Variants in ZNF536 observed in about 807,000 individuals in gnomAD.
The protein encoded by ZNF536 is zinc finger protein 536.
A neutral mutation model predicts 84.5 loss-of-function variants in ZNF536; 13 were observed. That is an observed-to-expected ratio of 0.15 (90% CI 0.10 to 0.24). ZNF536 has a LOEUF of 0.24. Among genes scored for constraint, ZNF536 ranks in the 10% least tolerant of loss-of-function variants. ZNF536 has a pLI of 1.00. For synonymous variants in ZNF536, 811 were observed against 742.5 expected (o/e 1.09, Z -1.50); for missense variants, 1,536 against 1,747.5 (o/e 0.88, Z 2.16).
intron 2 of ZNF536, among the ~76,000 whole-genome samples, chr19:30,325,183 G>A (rs970175759): frequency 3.9e-5 from 6 of 152,200 alleles, no homozygotes; most frequent in African/African-American, 1.4e-4. Flanking sequence ...GCCCGTCTAG[G>A]TCCTCCGCAC....
intron 1 of ZNF536, among the ~76,000 whole-genome samples, chr19:30,703,294 T>C (rs2052074009): frequency 6.6e-6 from 1 of 152,066 alleles, no homozygotes; most frequent in Admixed American, 6.5e-5. Flanking sequence ...GGAGGGGGGA[T>C]GCTCAGAGGC....
At chr19:30,422,186 T>C (rs2050990125) in intron 1 of ZNF536, among the ~76,000 whole-genome samples, 1 of 152,096 alleles carries the variant, frequency 6.6e-6, no homozygotes, top group Non-Finnish European at 1.5e-5. Context: ...CTGAAACACG[T>C]GAGGTGACCC....
At chr19:30,431,132 T>C (rs2051440763) in intron 1 of ZNF536, among the ~76,000 whole-genome samples, 1 of 152,190 alleles carries the variant, frequency 6.6e-6, no homozygotes, top group East Asian at 1.9e-4. Flanking sequence ...CACTCCCATA[T>C]CTGAGACAGC....
At chr19:30,480,792 T>C (rs1401056009) in intron 2 of ZNF536, among the ~76,000 whole-genome samples, 1 of 152,172 alleles carries the variant, frequency 6.6e-6, no homozygotes, top group Admixed American at 6.5e-5. Flanking sequence ...TCCCACCACT[T>C]TGGGAGGCCG....
intron 3 of ZNF536, among the ~76,000 whole-genome samples, chr19:30,359,125 A>G (rs1161379299): frequency 6.6e-6 from 1 of 150,538 alleles, no homozygotes; most frequent in East Asian, 1.9e-4. Flanking sequence ...TCAGAAAAAA[A>G]GGAATCCAGT....
intron 1 of ZNF536, among the ~76,000 whole-genome samples, chr19:30,377,818 C>G (rs773881848): frequency 1.3e-5 from 2 of 152,198 alleles, no homozygotes; most frequent in African/African-American, 2.4e-5. Flanking sequence ...CATCTAGCAG[C>G]TAGGAATACC....
In ZNF536 at chr19:30,613,206, C is replaced by T. The variant is rs182314738; in HGVS notation, c.169+63692C>T. On this transcript the variant is annotated intron_variant, in intron 1 of 1. Transcript: ENST00000592773. ...GGTTAAGATAGTGTCCTCCAGGTTT[C>T]TCAGCTGTCAATTTTTTTATGTTTA... Among the ~76,000 whole-genome samples, 258 of 152,254 alleles carry T rather than the reference C, an allele frequency of 1.7e-3. 5 individuals carry two copies. The highest frequency in any genetic ancestry group is 5.0e-4 in the Non-Finnish European group (34 of 68,016).
chr19:30,483,643 T>A (rs568148224), intron 2 of ZNF536, among the ~76,000 whole-genome samples: 1 of 152,306 alleles, frequency 6.6e-6, no homozygotes, highest in East Asian at 1.9e-4. Context: ...GAGGTCTTCA[T>A]GGGTTTCCCT....
chr19:30,469,882 C>T (rs1323627478), intron 2 of ZNF536, among the ~76,000 whole-genome samples: 1 of 152,126 alleles, frequency 6.6e-6, no homozygotes, highest in Non-Finnish European at 1.5e-5. Context: ...CCAGACTGTC[C>T]CCAGCCCACC....
At chr19:30,400,260 C>T (rs1042679960) in intron 1 of ZNF536, among the ~76,000 whole-genome samples, 2 of 151,776 alleles carry the variant, frequency 1.3e-5, no homozygotes, top group Non-Finnish European at 2.9e-5. Context: ...ATTGTTAGAT[C>T]GTATGGTAAG....
chr19:30,424,519 C>T (rs186679466), intron 1 of ZNF536, among the ~76,000 whole-genome samples: 23 of 152,240 alleles, frequency 1.5e-4, no homozygotes, highest in Middle Eastern at 3.4e-3. Flanking sequence ...ACAGGGGAAT[C>T]TCTGGGTTCT....
chr19:30,503,704 G>C (rs375878582), intron 2 of ZNF536, among the ~76,000 whole-genome samples: 170 of 152,312 alleles, frequency 1.1e-3, no homozygotes, highest in African/African-American at 3.8e-3. Context: ...TCAAGCCCTC[G>C]TGGGAGTCCC....
chr19:30,243,558 TAATAA>T (rs1397616102), intron 1 of ZNF536, among the ~76,000 whole-genome samples: 1 of 152,210 alleles, frequency 6.6e-6, no homozygotes, highest in Non-Finnish European at 1.5e-5. Flanking sequence ...TCCTTTTCCA[TAATAA>T]ATAGCAAGTA....
intron 2 of ZNF536, among the ~76,000 whole-genome samples, chr19:30,502,733 T>A (rs1367108474): frequency 6.6e-6 from 1 of 152,082 alleles, no homozygotes; most frequent in Non-Finnish European, 1.5e-5. Context: ...GTCCGCAGAG[T>A]TCTGTGTTGA....
intron 1 of ZNF536, among the ~76,000 whole-genome samples, chr19:30,687,299 C>A (rs977715115): frequency 1.3e-5 from 2 of 152,312 alleles, no homozygotes; most frequent in Admixed American, 6.5e-5. Context: ...TTGCTACATT[C>A]CCACATGTGG....
chr19:30,412,582 T>A (rs1380551793), intron 1 of ZNF536, among the ~76,000 whole-genome samples: 1 of 152,064 alleles, frequency 6.6e-6, no homozygotes, highest in Non-Finnish European at 1.5e-5. Flanking sequence ...ATATTTATAT[T>A]GCTGTTTATA....
At chr19:30,593,466 C>A (rs2047341956) in intron 1 of ZNF536, among the ~76,000 whole-genome samples, 1 of 152,152 alleles carries the variant, frequency 6.6e-6, no homozygotes, top group Non-Finnish European at 1.5e-5. Context: ...CCACACCCAG[C>A]CAGCAGCCCT....
At chr19:30,575,352 C>G (rs1183077061) in intron 1 of ZNF536, among the ~76,000 whole-genome samples, 1 of 152,200 alleles carries the variant, frequency 6.6e-6, no homozygotes, top group Non-Finnish European at 1.5e-5. Context: ...TCCCCTACTC[C>G]CAGGACCTCT....
chr19:30,656,759 G>T (rs2049930252), intron 1 of ZNF536, among the ~76,000 whole-genome samples: 1 of 152,220 alleles, frequency 6.6e-6, no homozygotes, highest in Non-Finnish European at 1.5e-5. Context: ...TGCGGGACAG[G>T]CAAGGCCACC....
Sources: allele counts gnomAD v4.1 joint callset (sites outside exome capture counted in the v4.1 genomes callset), GRCh38; gene constraint gnomAD v4.1.1; transcripts MANE v1.5; gene names NCBI Gene and HGNC (gene_info 2026-07-23, HGNC 2026-07-21).